ZNF425: variants seen among roughly 807,000 people sequenced by gnomAD.
ZNF425 encodes zinc finger protein 425.
In ZNF425, 21 loss-of-function variants were observed where a neutral mutation model predicts 17.0. The ratio of observed to expected loss-of-function variants is 1.23; its 90% CI spans 0.88 to 1.78. The LOEUF (loss-of-function observed/expected upper bound fraction) is 1.78, where lower values mean the gene tolerates loss of function less well. Among genes scored for constraint, ZNF425 ranks in the 40% most tolerant of loss-of-function variants. ZNF425 has a pLI of 0.00. For synonymous variants in ZNF425, 433 were observed against 384.1 expected, an observed-to-expected ratio of 1.13 and a Z score of -1.49; for missense variants, 868 against 967.3, an observed-to-expected ratio of 0.90 and a Z score of 1.36.
intron 3 of ZNF425, among the ~76,000 whole-genome samples, chr7:149,111,761 C>A (rs1826181216): frequency 6.6e-6 from 1 of 151,618 alleles, no homozygotes; most frequent in Admixed American, 6.6e-5. Flanking sequence ...CTCACCACAA[C>A]CTCCGCCTCC....
intron 3 of ZNF425, among the ~76,000 whole-genome samples, chr7:149,107,545 G>C (rs1249202743): frequency 6.6e-6 from 1 of 151,798 alleles, no homozygotes; most frequent in Non-Finnish European, 1.5e-5. Context: ...CATCATGTTA[G>C]CCAGGATGGT....
At chr7:149,125,997 T>G in intron 1 of ZNF425, 199 bp downstream of exon 1, 3 of 1,173,802 alleles carry the variant, frequency 2.6e-6, no homozygotes, top group Non-Finnish European at 3.7e-6. Flanking sequence ...CAGACCAGCT[T>G]TTCCCCAGGT....
intron 3 of ZNF425, among the ~76,000 whole-genome samples, chr7:149,108,924 C>T (rs1826126790): frequency 6.6e-6 from 1 of 152,018 alleles, no homozygotes; most frequent in South Asian, 2.1e-4. Context: ...AAGCTCCTCC[C>T]ATTCTATAGG....
In ZNF425 at chr7:149,105,154, G is replaced by C. The variant is rs201297293; in HGVS notation, c.717C>G (p.Leu239=). Residue 239 remains leucine, a synonymous_variant, in exon 4 of 4, where the codon CTC becomes CTG. Transcript: ENST00000378061. ...GKSELRRTQR[L]LCQKKRFQCS... is the part of the protein sequence containing the mutation. ...ACTGGAACCGCTTCTTCTGACACAG[G>C]AGCCTCTGCGTCCGCCTGAGTTCGG... 1.2e-5 allele frequency: 19 copies of C among 1,614,244 alleles called. No homozygotes were observed. The highest frequency in any genetic ancestry group is 1.6e-4 in the Middle Eastern group (1 of 6,062).
intron 2 of ZNF425, chr7:149,113,489 A>G (rs138534926): frequency 0.044 from 6,666 of 152,064 alleles, 506 homozygotes; most frequent in African/African-American, 0.15. Flanking sequence ...AGGTGGGAGG[A>G]CTGCTTGAGC....
chr7:149,120,393 C>T (rs919678075), intron 1 of ZNF425, among the ~76,000 whole-genome samples: 1 of 151,984 alleles, frequency 6.6e-6, no homozygotes, highest in Non-Finnish European at 1.5e-5. Context: ...AAAAAACAAA[C>T]AAAAAAAGTT....
intron 1 of ZNF425, chr7:149,118,685 C>A: frequency 2.4e-6 from 1 of 409,720 alleles, no homozygotes; most frequent in Non-Finnish European, 4.9e-6. Flanking sequence ...CGTGATGGCA[C>A]ATTCCTGTAG....
In ZNF425 at chr7:149,103,560, G is replaced by T; in HGVS notation, c.*52C>A. The T allele has an allele frequency of 1.3e-6, 2 of 1,531,734 alleles. No homozygotes were observed. Among genetic ancestry groups the T allele is most frequent in the Non-Finnish European group, 1.7e-6 (2 of 1,145,384 alleles). The allele number at this position is 1,531,734 out of a possible 1,614,324, so 94.9% of individuals were successfully genotyped here. A position where few individuals can be genotyped will look rare whatever the true frequency, so the allele number is the denominator to read the frequency against. On this transcript the variant is annotated 3_prime_UTR_variant, in exon 4 of 4. Coordinates refer to ENST00000378061, the MANE Select transcript of ZNF425 (RefSeq NM_001001661.3). ...CAACCTGCCTCAACTTGAGCCAACA[G>T]AGCTGCTGGCACCTCCTGAAAGCCG...
intron 2 of ZNF425, among the ~76,000 whole-genome samples, chr7:149,113,999 G>A (rs1407292551): frequency 1.5e-5 from 2 of 130,226 alleles, no homozygotes; most frequent in African/African-American, 2.7e-5. Flanking sequence ...AGGTGATAGA[G>A]AGAGACTCTG....
At position 149,104,880 on chromosome 7, in the gene ZNF425, G is replaced by GGAA. The variant is rs1563144767; in HGVS notation, c.988_990dup (p.Phe330dup). The GGAA allele has an allele frequency of 6.2e-7, 1 of 1,613,586 alleles. No homozygotes were observed. Among genetic ancestry groups the GGAA allele is most frequent in the Non-Finnish European group, 8.5e-7 (1 of 1,179,926 alleles). ...AAGCACCGGTCACACTGCGGACACT[G>GGAA]GAAGGGCTTCTCTCCGCTGTGCAGC... On this transcript the variant is annotated inframe_insertion, in exon 4 of 4. Coordinates refer to ENST00000378061, the MANE Select transcript of ZNF425 (RefSeq NM_001001661.3). This position sits in a 1 kb window ranked among gnomAD's most constrained non-coding sequence, Gnocchi z 4.3.
rs1489871022 is a variant in ZNF425, at chr7:149,105,043, G to A, written c.828C>T (p.Cys276=). The A allele has an allele frequency of 6.2e-7, 1 of 1,614,240 alleles. No individual in the cohort carries two copies. The highest frequency in any genetic ancestry group is 1.7e-5 in the Admixed American group (1 of 60,020). The change falls in exon 4 of 4, where the codon TGC becomes TGT. Residue 276 remains cysteine (C), a synonymous_variant. Coordinates refer to ENST00000378061, the MANE Select transcript of ZNF425 (RefSeq NM_001001661.3). ...ACCGGAAGGTCTTGTCGCACTCAGG[G>A]CATGGGTAGGGCCGCTGGCCGGTGT... is the stretch of plus-strand genomic sequence containing the variant. ...VVHTGQRPYP[C]PECDKTFRYR...
At chr7:149,118,093 G>A in intron 2 of ZNF425, 129 bp downstream of exon 2, 1 of 977,940 alleles carries the variant, frequency 1.0e-6, no homozygotes, top group Non-Finnish European at 1.6e-6. Context: ...TTATAGGAAA[G>A]GGAGGAGACA....
intron 2 of ZNF425, among the ~76,000 whole-genome samples, chr7:149,116,338 C>T (rs1247042200): frequency 1.3e-5 from 2 of 152,154 alleles, no homozygotes; most frequent in Admixed American, 6.6e-5. Flanking sequence ...AAATGTGCGA[C>T]CTCCCTAACC....
In ZNF425 at chr7:149,105,110, C is replaced by T. The variant is rs1826059053; in HGVS notation, c.761G>A (p.Ser254Asn). ...KRFQCSECEK[S>N]YFLKGSLVTH... ...GACGAGGCTGCCCTTCAGGAAGTAG[C>T]TCTTCTCACACTCACTGCACTGGAA... is the stretch of plus-strand genomic sequence containing the variant. Residue 254 changes from serine (S) to asparagine (N), a missense_variant, in exon 4 of 4, where the codon AGC becomes AAC. Around this residue, in one of 5 missense-constraint regions of ZNF425, gnomAD observed 243 missense variants for 265.2 expected, o/e 0.92. Transcript: ENST00000378061. 1.2e-6 allele frequency: 2 copies of T among 1,614,132 alleles called. No individual in the cohort carries two copies. The highest frequency in any genetic ancestry group is 1.1e-5 in the South Asian group (1 of 91,096).
At chr7:149,114,248 A>C (rs1232283830) in intron 2 of ZNF425, among the ~76,000 whole-genome samples, 1 of 115,020 alleles carries the variant, frequency 8.7e-6, no homozygotes, top group Admixed American at 9.2e-5. Context: ...TTTTTTTGGT[A>C]TTTTTAGTAG....
intron 3 of ZNF425, among the ~76,000 whole-genome samples, chr7:149,110,019 G>A (rs1826147771): frequency 6.6e-6 from 1 of 151,632 alleles, no homozygotes; most frequent in African/African-American, 2.4e-5. Flanking sequence ...TGGGATAACA[G>A]GAGCCTGCCA....
At chr7:149,112,828 T>C (rs543296858) in intron 2 of ZNF425, among the ~76,000 whole-genome samples, 2 of 150,848 alleles carry the variant, frequency 1.3e-5, no homozygotes, top group East Asian at 4.0e-4. Context: ...CACCATGCCC[T>C]GCTAATTTTG....
chr7:149,104,944 CCGGCCGCACTCCCCGCAGCAGAA>C lies in ZNF425; in HGVS notation c.904_926del (p.Phe302GlyfsTer27). ...TGAGCTCGCACTGCTGCACGAAGGC[CCGGCCGCACTCCCCGCAGCAGAA>C]CGGCCGCTCCCCGCGGTGTAGACAC... On this transcript the variant is annotated frameshift_variant, in exon 4 of 4. Coordinates refer to ENST00000378061, the MANE Select transcript of ZNF425 (RefSeq NM_001001661.3). LOFTEE classifies it low-confidence loss of function (END_TRUNC). The surrounding 1 kb of genome is among the most constrained non-coding windows in gnomAD (Gnocchi z 4.3). 6.2e-7 allele frequency: 1 copy of C among 1,613,846 alleles called. No individual in the cohort carries two copies. Among genetic ancestry groups the C allele is most frequent in the Middle Eastern group, 1.7e-4 (1 of 6,050 alleles).
intron 1 of ZNF425, chr7:149,125,647 C>T: frequency 6.0e-6 from 1 of 166,076 alleles, no homozygotes; most frequent in South Asian, 1.3e-4. Flanking sequence ...AGATCTTTCC[C>T]ACCCGGATTC....
Sources: allele counts gnomAD v4.1 joint callset (sites outside exome capture counted in the v4.1 genomes callset), GRCh38; gene constraint gnomAD v4.1.1; regional missense constraint gnomAD v4.1.1; non-coding constraint Gnocchi (gnomAD v3.1); transcripts MANE v1.5; gene names NCBI Gene and HGNC (gene_info 2026-07-23, HGNC 2026-07-21).